ZMYM5: variants seen among roughly 807,000 people sequenced by gnomAD.
The protein encoded by ZMYM5 is zinc finger MYM-type containing 5, also known as zinc finger MYM-type protein 5.
A neutral mutation model predicts 61.8 loss-of-function variants in ZMYM5; 41 were observed. The observed-to-expected ratio is 0.66, with a 90% confidence interval of 0.52 to 0.86. The LOEUF is 0.86. ZMYM5 is among the 40% of genes least tolerant of loss of function. ZMYM5 has a pLI of 0.00. For missense variants in ZMYM5, 706 were observed against 786.7 expected, an observed-to-expected ratio of 0.90 and a Z score of 1.23; for synonymous variants, 257 against 276.4, an observed-to-expected ratio of 0.93 and a Z score of 0.70.
chr13:19,824,591 A>G lies in ZMYM5; in HGVS notation c.1896T>C (p.Ser632=). 1 of 1,316,970 alleles carries G rather than the reference A, an allele frequency of 7.6e-7. No homozygotes were observed. The highest frequency in any genetic ancestry group is 1.0e-6 in the Non-Finnish European group (1 of 995,948). The allele number at this position is 1,316,970 out of a possible 1,614,324, so 81.6% of individuals were successfully genotyped here. A position where few individuals can be genotyped will look rare whatever the true frequency, so the allele number is the denominator to read the frequency against. Residue 632 remains serine (S), a synonymous_variant, in exon 8 of 8, where the codon AGT becomes AGC. Coordinates refer to ENST00000337963, the MANE Select transcript of ZMYM5 (RefSeq NM_001142684.2). The part of the protein sequence containing the change: ...HEESEMHVNN[S]VKYSKLKSDL... ...CAGATTTTAATTTTGAGTACTTAAC[A>G]CTATTGTTGACGTGCATTTCACTTT... is the stretch of plus-strand genomic sequence containing the variant.
chr13:19,825,419 TG>T (rs1277511668), intron 7 of ZMYM5, among the ~76,000 whole-genome samples, 184 bp from the exon 8 acceptor site: 3 of 151,750 alleles, frequency 2.0e-5, no homozygotes, highest in African/African-American at 7.3e-5. Flanking sequence ...CCAAGGTGGA[TG>T]GATCATTTGA....
chr13:19,842,233 G>A (rs1228660670), intron 4 of ZMYM5, among the ~76,000 whole-genome samples: 1 of 152,140 alleles, frequency 6.6e-6, no homozygotes, highest in Non-Finnish European at 1.5e-5. Context: ...CCCATGGGCT[G>A]GCCAGACCCT....
At chr13:19,828,078 C>T (rs1891009058) in intron 7 of ZMYM5, among the ~76,000 whole-genome samples, 1 of 144,166 alleles carries the variant, frequency 6.9e-6, no homozygotes, top group African/African-American at 2.5e-5. Context: ...ATTAGCTATA[C>T]ACAACACAAC....
intron 4 of ZMYM5, among the ~76,000 whole-genome samples, chr13:19,840,871 G>T (rs1952847962): frequency 6.6e-6 from 1 of 151,564 alleles, no homozygotes; most frequent in African/African-American, 2.4e-5. Context: ...TAGAGACGGG[G>T]TTTCACCGTA....
intron 4 of ZMYM5, among the ~76,000 whole-genome samples, 184 bp downstream of exon 4, chr13:19,851,171 C>A (rs555033425): frequency 1.3e-5 from 2 of 152,180 alleles, no homozygotes; most frequent in Non-Finnish European, 1.5e-5. Context: ...GCTGAGATTG[C>A]GCCATTGTAC....
In ZMYM5 at chr13:19,838,783, T is replaced by G. The variant is rs113855637; in HGVS notation, c.789A>C (p.Ser263=). Residue 263 remains serine (S), a synonymous_variant, in exon 5 of 8, where the codon TCA becomes TCC. Transcript: ENST00000337963. ...AGGTGGTAGAGCAAAAGAGGTGAGC[T>G]GATCCTTTTCGTTGATAAGCTGTCT... ...KGQTAYQRKG[S]AHLFCSTTCL... 1 of 1,614,226 alleles carries G rather than the reference T, an allele frequency of 6.2e-7. No individual in the cohort carries two copies. The highest frequency in any genetic ancestry group is 2.2e-5 in the East Asian group (1 of 44,886).
At chr13:19,861,397 C>T (rs935497266) in intron 2 of ZMYM5, among the ~76,000 whole-genome samples, 3 of 152,236 alleles carry the variant, frequency 2.0e-5, no homozygotes, top group African/African-American at 7.2e-5. Flanking sequence ...AGCTATCCAC[C>T]CACCTCAGCC....
chr13:19,851,117 GA>G (rs1239683403), intron 4 of ZMYM5, among the ~76,000 whole-genome samples: 4 of 149,830 alleles, frequency 2.7e-5, no homozygotes, highest in Non-Finnish European at 5.9e-5. Flanking sequence ...GCTCAGGCAG[GA>G]AAAAAAAAAT....
At chr13:19,843,862 C>T (rs1309950124) in intron 4 of ZMYM5, among the ~76,000 whole-genome samples, 2 of 142,404 alleles carry the variant, frequency 1.4e-5, no homozygotes, top group Non-Finnish European at 3.0e-5. Flanking sequence ...GGGCCAGGTG[C>T]GGTGGCTCAC....
At chr13:19,838,549 G>C (rs1369302818) in intron 5 of ZMYM5, 151 bp downstream of exon 5, 2 of 987,138 alleles carry the variant, frequency 2.0e-6, no homozygotes, top group Non-Finnish European at 3.0e-6. Flanking sequence ...CCACAGCTTG[G>C]ATATATTCTA....
chr13:19,849,874 G>A (rs1953221585), intron 4 of ZMYM5, among the ~76,000 whole-genome samples: 1 of 151,878 alleles, frequency 6.6e-6, no homozygotes, highest in East Asian at 1.9e-4. Flanking sequence ...CCAGCTACTC[G>A]GAAGGCTGAG....
In ZMYM5 at chr13:19,837,315, G is replaced by A. The variant is rs188712256; in HGVS notation, c.1038+341C>T. On this transcript the variant is annotated intron_variant, in intron 6 of 7. Coordinates refer to ENST00000337963, the MANE Select transcript of ZMYM5 (RefSeq NM_001142684.2). ...ATTACAGATGTGAGCCACCACGTCC[G>A]GCCCCAAGGGGTAGTTTTCCAGCCC... 2.8e-4 allele frequency: 226 copies of A among 808,886 alleles called. 1 individual carries two copies. In the African/African-American group the frequency reaches 3.6e-3, roughly 13 times the overall value. 50.1% of individuals were successfully genotyped at this position (808,886 alleles called of 1,614,324 possible).
intron 4 of ZMYM5, among the ~76,000 whole-genome samples, chr13:19,846,777 AC>A (rs1566100098): frequency 6.6e-6 from 1 of 150,964 alleles, no homozygotes; most frequent in African/African-American, 2.4e-5. Context: ...GAAAAAAAAA[AC>A]TAGCAGGGTG....
chr13:19,835,261 A>G (rs1197385039), intron 7 of ZMYM5, among the ~76,000 whole-genome samples: 1 of 152,072 alleles, frequency 6.6e-6, no homozygotes, highest in East Asian at 1.9e-4. Context: ...TCCCAAAATG[A>G]TGGAATTACA....
intron 7 of ZMYM5, among the ~76,000 whole-genome samples, chr13:19,826,038 T>A (rs1593837211): frequency 5.0e-5 from 4 of 79,788 alleles, no homozygotes; most frequent in Admixed American, 1.8e-4. Context: ...AGAGCAAGAC[T>A]CCATGCTTAA....
intron 7 of ZMYM5, among the ~76,000 whole-genome samples, chr13:19,830,187 A>G (rs1891131632): frequency 6.6e-6 from 1 of 152,158 alleles, no homozygotes; most frequent in Non-Finnish European, 1.5e-5. Context: ...TATGACGTGT[A>G]TGTTATTCAG....
intron 7 of ZMYM5, among the ~76,000 whole-genome samples, chr13:19,828,245 G>A (rs1471582835): frequency 3.9e-5 from 6 of 152,098 alleles, no homozygotes; most frequent in South Asian, 2.1e-4. Context: ...AGGCCAAGGC[G>A]GGTGGATCAC....
Position 19,851,990 on chromosome 13 carries a change from T to G in ZMYM5, c.191A>C (p.Glu64Ala). The change falls in exon 3 of 8, where the codon GAA (glutamate) becomes GCA (alanine). Residue 64 changes from glutamate (E) to alanine (A), a missense_variant. This residue lies in a region of ZMYM5 where 480 missense variants were observed against 461.7 expected (regional missense o/e 1.04). Transcript: ENST00000337963. ...DDDDDDVVFI[E>A]SIQPPSISAP... ...AGAAATTGAAGGAGGTTGTATAGAT[T>G]CAATAAACACAACATCATCATCATC... 3 of 1,614,020 alleles carry G rather than the reference T, an allele frequency of 1.9e-6. No homozygotes were observed. Among genetic ancestry groups the G allele is most frequent in the Non-Finnish European group, 2.5e-6 (3 of 1,180,016 alleles).
At chr13:19,850,578 G>A (rs1178898822) in intron 4 of ZMYM5, among the ~76,000 whole-genome samples, 1 of 151,528 alleles carries the variant, frequency 6.6e-6, no homozygotes, top group Non-Finnish European at 1.5e-5. Flanking sequence ...TCCAGCCTGG[G>A]CAAAAAGAGC....
Sources: allele counts gnomAD v4.1 joint callset (sites outside exome capture counted in the v4.1 genomes callset), GRCh38; gene constraint gnomAD v4.1.1; regional missense constraint gnomAD v4.1.1; transcripts MANE v1.5; gene names NCBI Gene and HGNC (gene_info 2026-07-23, HGNC 2026-07-21).